Variants in PBX1 observed in about 807,000 individuals in gnomAD.
The protein encoded by PBX1 is pre-B-cell leukemia transcription factor 1.
In PBX1, 6 loss-of-function variants were observed where a neutral mutation model predicts 53.4. The ratio of observed to expected loss-of-function variants is 0.11; its 90% confidence interval spans 0.06 to 0.22. The LOEUF (loss-of-function observed/expected upper bound fraction) is 0.22, where lower values mean the gene tolerates loss of function less well. Ranked by LOEUF, PBX1 falls within the 10% of genes least tolerant of loss-of-function variation. PBX1 has a pLI of 1.00. For synonymous variants in PBX1, 204 were observed against 212.3 expected (o/e 0.96, Z 0.34); for missense variants, 251 against 551.4 (o/e 0.46, Z 5.46).
intron 2 of PBX1, chr1:164,770,229 T>C (rs1229694579): frequency 6.6e-6 from 1 of 152,246 alleles, no homozygotes; most frequent in Admixed American, 6.5e-5. Context: ...GTCCGTGTCT[T>C]AGCCCTCCCA....
In PBX1 at chr1:164,629,352, A is replaced by G. The variant is rs116729556; in HGVS notation, c.265+66041A>G. Among the ~76,000 whole-genome samples, 822 of 152,232 alleles carry G rather than the reference A, an allele frequency of 5.4e-3. 2 individuals carry two copies. Among genetic ancestry groups the G allele is most frequent in the Admixed American group, 0.011 (171 of 15,288 alleles). ...AGGGCAGCTCATCCTCTGCATGTCAATGTTCTCTTTGGAATTCCCTCACGG... is the reference window on the plus strand; with the variant it reads ...AGGGCAGCTCATCCTCTGCATGTCAGTGTTCTCTTTGGAATTCCCTCACGG... On this transcript the variant is annotated intron_variant, in intron 2 of 8. Transcript: ENST00000420696.
At chr1:164,614,606 G>T (rs929611874) in intron 2 of PBX1, among the ~76,000 whole-genome samples, 4 of 152,088 alleles carry the variant, frequency 2.6e-5, no homozygotes, top group Non-Finnish European at 4.4e-5. Context: ...GCTTCACTCT[G>T]CCTGTTTCAA....
chr1:164,572,153 G>A (rs569719320), intron 2 of PBX1, among the ~76,000 whole-genome samples: 15 of 151,580 alleles, frequency 9.9e-5, no homozygotes, highest in Admixed American at 2.6e-4. Flanking sequence ...GTGATCCACC[G>A]GCCTTGGTCT....
chr1:164,609,190 A>G (rs916971791), intron 2 of PBX1, among the ~76,000 whole-genome samples: 1 of 151,880 alleles, frequency 6.6e-6, no homozygotes, highest in Non-Finnish European at 1.5e-5. Context: ...AAGTTCCCAC[A>G]CTACACTGAT....
intron 2 of PBX1, among the ~76,000 whole-genome samples, chr1:164,629,427 T>G (rs1405728336): frequency 6.6e-6 from 1 of 152,132 alleles, no homozygotes; most frequent in African/African-American, 2.4e-5. Flanking sequence ...TCTCTGTGTG[T>G]CTTTAAGACC....
intron 2 of PBX1, among the ~76,000 whole-genome samples, chr1:164,594,538 C>T (rs1277268370): frequency 2.0e-5 from 3 of 152,076 alleles, no homozygotes; most frequent in African/African-American, 7.2e-5. Context: ...GCCTTGGCCT[C>T]CCAAAGTGCT....
At chr1:164,726,461 G>A (rs150816485) in intron 2 of PBX1, among the ~76,000 whole-genome samples, 209 of 152,280 alleles carry the variant, frequency 1.4e-3, no homozygotes, top group African/African-American at 4.8e-3. Flanking sequence ...CAATCATGTG[G>A]CATTCAGCCA....
chr1:164,693,538 T>C (rs997803008), intron 2 of PBX1, among the ~76,000 whole-genome samples: 11 of 152,108 alleles, frequency 7.2e-5, no homozygotes, highest in Non-Finnish European at 1.5e-4. Flanking sequence ...CTCCCCCTTC[T>C]TTCCTACCAC....
At chr1:164,630,491 C>G (rs568385862) in intron 2 of PBX1, among the ~76,000 whole-genome samples, 2 of 152,232 alleles carry the variant, frequency 1.3e-5, no homozygotes, top group African/African-American at 4.8e-5. Flanking sequence ...ATCTGTCAAT[C>G]TGTAATATTA....
intron 2 of PBX1, among the ~76,000 whole-genome samples, chr1:164,599,032 T>A (rs1248524291): frequency 6.6e-6 from 1 of 151,358 alleles, no homozygotes; most frequent in Non-Finnish European, 1.5e-5. Context: ...ACGGTGTTTC[T>A]TTACACCAGA....
chr1:164,603,450 T>A (rs907651106), intron 2 of PBX1, among the ~76,000 whole-genome samples: 1 of 152,232 alleles, frequency 6.6e-6, no homozygotes, highest in Admixed American at 6.5e-5. Flanking sequence ...ACAGTGCTGG[T>A]ATAATTATAC....
At chr1:164,650,494 A>G (rs1222969249) in intron 2 of PBX1, among the ~76,000 whole-genome samples, 3 of 152,082 alleles carry the variant, frequency 2.0e-5, no homozygotes, top group African/African-American at 7.2e-5. Context: ...CCGAAGTGCT[A>G]GGGTTACAGG....
chr1:164,840,952 G>A (rs1397342266), intron 8 of PBX1, among the ~76,000 whole-genome samples: 1 of 152,136 alleles, frequency 6.6e-6, no homozygotes, highest in Non-Finnish European at 1.5e-5. Context: ...GCCACCAAGT[G>A]TTTCTTTACT....
intron 2 of PBX1, among the ~76,000 whole-genome samples, chr1:164,881,995 A>G (rs1489998540): frequency 2.6e-5 from 4 of 152,168 alleles, no homozygotes; most frequent in Non-Finnish European, 4.4e-5. Flanking sequence ...TCCCAAAACT[A>G]ATTATCCAGG....
chr1:164,646,541 CT>C (rs1659464685), intron 2 of PBX1, among the ~76,000 whole-genome samples: 1 of 152,132 alleles, frequency 6.6e-6, no homozygotes, highest in African/African-American at 2.4e-5. Context: ...AAACCGACCC[CT>C]TACTTCTAAT....
intron 2 of PBX1, among the ~76,000 whole-genome samples, chr1:164,670,487 G>A (rs1661053849): frequency 6.6e-6 from 1 of 152,082 alleles, no homozygotes; most frequent in Admixed American, 6.5e-5. Context: ...ATGGATTTAG[G>A]GGAAATCCAC....
intron 2 of PBX1, among the ~76,000 whole-genome samples, chr1:164,686,541 T>C (rs1306129895): frequency 6.6e-6 from 1 of 152,086 alleles, no homozygotes; most frequent in East Asian, 1.9e-4. Flanking sequence ...CTTTAAGGTA[T>C]CAGAAGGTAG....
chr1:164,871,162 A>T (rs1416998273), intron 2 of PBX1, among the ~76,000 whole-genome samples: 1 of 152,244 alleles, frequency 6.6e-6, no homozygotes, highest in African/African-American at 2.4e-5. Flanking sequence ...GTCTAAAACT[A>T]GAAAAATGTA....
intron 2 of PBX1, among the ~76,000 whole-genome samples, chr1:164,881,357 G>GAGGAA (rs1672646866): frequency 1.1e-5 from 1 of 88,638 alleles, no homozygotes; most frequent in Non-Finnish European, 2.5e-5. Context: ...AGGAAGGAAG[G>GAGGAA]AAGGAGGAAA....
Sources: gnomAD v4.1 joint callset for allele counts (sites outside exome capture counted in the v4.1 genomes callset) on GRCh38, gnomAD v4.1.1 for gene constraint, MANE v1.5 for transcripts, NCBI Gene and HGNC (gene_info 2026-07-23, HGNC 2026-07-21) for gene names.